The following ZNF600 variants were observed in gnomAD, a reference collection of about 807,000 sequenced individuals.
ZNF600 encodes the protein zinc finger protein KR-ZNF1.
A neutral mutation model predicts 7.3 loss-of-function variants in ZNF600; 4 were observed. That is an observed-to-expected ratio of 0.55 (90% CI 0.27 to 1.25). The LOEUF (loss-of-function observed/expected upper bound fraction) is 1.25. Ranked by LOEUF, ZNF600 falls within the 50% of genes most tolerant of loss-of-function variation. The probability of loss-of-function intolerance (pLI) is 0.12; values close to 1 mark genes in which losing one functional copy is unlikely to be tolerated. For missense variants in ZNF600, 911 were observed against 922.1 expected (o/e 0.99, Z 0.16); for synonymous variants, 290 against 308.9 (o/e 0.94, Z 0.64).
chr19:52,788,227 C>G (rs527449558), upstream of ZNF600, among the ~76,000 whole-genome samples: 6 of 152,250 alleles, frequency 3.9e-5, no homozygotes, highest in East Asian at 1.2e-3. Flanking sequence ...TTAGTGTGAG[C>G]AAACGTGTGA....
intron 2 of ZNF600, among the ~76,000 whole-genome samples, chr19:52,777,495 T>G (rs1345615048): frequency 6.6e-6 from 1 of 151,898 alleles, no homozygotes; most frequent in Non-Finnish European, 1.5e-5. Flanking sequence ...GAGCTATGAT[T>G]GCACCACTGC....
At chr19:52,806,314 C>T in the ZNF600 span, among the ~76,000 whole-genome samples, 1 of 152,062 alleles carries the variant, frequency 6.6e-6, no homozygotes, top group Non-Finnish European at 1.5e-5. Flanking sequence ...CTGCCTCAGC[C>T]TCCTGAGTAG....
At chr19:52,767,001 C>T in exon 4 of ZNF600, 1 of 1,614,084 alleles carries the variant, frequency 6.2e-7, no homozygotes, top group Non-Finnish European at 8.5e-7. Context: ...AAAGATCTTG[C>T]CACACTCATT....
chr19:52,802,825 A>C, the ZNF600 span, among the ~76,000 whole-genome samples: 930 of 141,644 alleles, frequency 6.6e-3, 54 homozygotes, highest in East Asian at 0.12. Flanking sequence ...CAGTGGCATG[A>C]TCTCGGCTCA....
chr19:52,815,574 C>T, the ZNF600 span, among the ~76,000 whole-genome samples: 9 of 146,658 alleles, frequency 6.1e-5, 1 homozygote, highest in South Asian at 2.3e-4. Flanking sequence ...CCTGTAATCC[C>T]AGCACTTTGG....
At chr19:52,799,462 TATG>T in the ZNF600 span, 2 of 864,824 alleles carry the variant, frequency 2.3e-6, no homozygotes, top group Non-Finnish European at 1.9e-6. Flanking sequence ...GTATGAATTC[TATG>T]ATGACGTGCA....
intron 2 of ZNF600, among the ~76,000 whole-genome samples, chr19:52,778,101 C>T (rs575701508): frequency 1.3e-5 from 2 of 152,050 alleles, no homozygotes; most frequent in South Asian, 4.1e-4. Context: ...GTAACCTCCA[C>T]GTCCTGGGTT....
intron 2 of ZNF600, among the ~76,000 whole-genome samples, chr19:52,777,942 T>G (rs912688000): frequency 2.0e-5 from 3 of 152,140 alleles, no homozygotes; most frequent in African/African-American, 7.2e-5. Flanking sequence ...GCTCAGGAGT[T>G]TGAGGCTGCT....
the ZNF600 span, chr19:52,809,971 G>T: frequency 1.3e-6 from 1 of 790,476 alleles, no homozygotes; most frequent in South Asian, 1.4e-5. Flanking sequence ...GATGGGAACG[G>T]CCTGGAGTCT....
the ZNF600 span, among the ~76,000 whole-genome samples, chr19:52,832,164 T>C: frequency 6.6e-6 from 1 of 151,760 alleles, no homozygotes; most frequent in Non-Finnish European, 1.5e-5. Context: ...AGTGAGAAAA[T>C]ATCTCACTAC....
At chr19:52,782,841 C>T (rs957472314) in intron 1 of ZNF600, among the ~76,000 whole-genome samples, 3 of 151,866 alleles carry the variant, frequency 2.0e-5, no homozygotes, top group African/African-American at 7.3e-5. Context: ...CTCCACTGCA[C>T]TCCAGCCTGC....
chr19:52,814,802 G>A, the ZNF600 span, among the ~76,000 whole-genome samples: 4 of 145,052 alleles, frequency 2.8e-5, no homozygotes, highest in Admixed American at 2.1e-4. Context: ...CAGGAGACTC[G>A]CTTGAACCAG....
chr19:52,801,457 G>A, the ZNF600 span: 1 of 1,614,158 alleles, frequency 6.2e-7, no homozygotes, highest in Non-Finnish European at 8.5e-7. Flanking sequence ...TTTCCAGCAT[G>A]CCTTTGATCA....
upstream of ZNF600, among the ~76,000 whole-genome samples, chr19:52,789,493 G>A (rs560806444): frequency 3.9e-5 from 6 of 152,084 alleles, no homozygotes; most frequent in African/African-American, 9.6e-5. Context: ...AAAGTGTCTC[G>A]TTCCACCTGA....
upstream of ZNF600, chr19:52,786,875 G>T: frequency 4.9e-6 from 1 of 203,436 alleles, no homozygotes; most frequent in Non-Finnish European, 1.1e-5. Flanking sequence ...TTTAGAACCG[G>T]CAGAGGGAGG....
chr19:52,826,079 G>T, the ZNF600 span, among the ~76,000 whole-genome samples: 1 of 152,162 alleles, frequency 6.6e-6, no homozygotes, highest in Non-Finnish European at 1.5e-5. Flanking sequence ...ATTCCCCATT[G>T]AGCCAAGGGA....
the ZNF600 span, chr19:52,810,648 G>A: frequency 1.6e-6 from 2 of 1,247,542 alleles, no homozygotes; most frequent in Non-Finnish European, 2.4e-6. Context: ...TTAACAGCAG[G>A]CTCTGGGGTC....
the ZNF600 span, among the ~76,000 whole-genome samples, chr19:52,833,007 A>C: frequency 1.3e-5 from 2 of 152,046 alleles, no homozygotes; most frequent in African/African-American, 4.8e-5. Flanking sequence ...CCTGACCTCA[A>C]GTGATCCACC....
At chr19:52,830,181 G>A in the ZNF600 span, among the ~76,000 whole-genome samples, 3 of 152,110 alleles carry the variant, frequency 2.0e-5, no homozygotes, top group Admixed American at 6.6e-5. Flanking sequence ...CCTCAGGCAG[G>A]AGAATAGCTT....
Sources: gnomAD v4.1 joint callset for allele counts (sites outside exome capture counted in the v4.1 genomes callset) on GRCh38, gnomAD v4.1.1 for gene constraint, MANE v1.5 for transcripts, NCBI Gene and HGNC (gene_info 2026-07-23, HGNC 2026-07-21) for gene names.